The following STK32B variants were observed in gnomAD, a reference collection of about 807,000 sequenced individuals.
STK32B encodes serine/threonine kinase 32B, also known as serine/threonine-protein kinase 32B.
In STK32B, 43 loss-of-function variants were observed where a neutral mutation model predicts 52.6. The observed-to-expected ratio is 0.82, with a 90% CI of 0.64 to 1.05. STK32B has a LOEUF of 1.05. Among genes scored for constraint, STK32B ranks in the 50% least tolerant of loss-of-function variants. The pLI, the probability that STK32B is intolerant of heterozygous loss-of-function variation, is 0.00. For missense variants in STK32B, 621 were observed against 534.6 expected (o/e 1.16, Z -1.59); for synonymous variants, 238 against 204.3 (o/e 1.17, Z -1.41).
At chr4:5,218,559 C>T (rs570731545) in intron 3 of STK32B, among the ~76,000 whole-genome samples, 2 of 152,146 alleles carry the variant, frequency 1.3e-5, no homozygotes, top group African/African-American at 2.4e-5. Context: ...GGGACCCTAC[C>T]GTCAAACTGC....
chr4:5,377,692 G>A (rs1735668401), intron 4 of STK32B, among the ~76,000 whole-genome samples: 1 of 152,162 alleles, frequency 6.6e-6, no homozygotes, highest in South Asian at 2.1e-4. Flanking sequence ...TTGTTCTGGT[G>A]ATAGTGAGTG....
the STK32B span, among the ~76,000 whole-genome samples, chr4:5,033,818 A>G: frequency 6.6e-6 from 1 of 152,230 alleles, no homozygotes; most frequent in African/African-American, 2.4e-5. Context: ...ACAGCTGCCA[A>G]CTGATGGGCT....
chr4:5,100,788 C>CCTGCTCTTTCT (rs1337480404), intron 1 of STK32B, among the ~76,000 whole-genome samples: 1 of 1,790 alleles, frequency 5.6e-4, no homozygotes, highest in Admixed American at 4.4e-3. Flanking sequence ...TTCTTCCTTC[C>CCTGCTCTTTCT]TTTATTCCTT....
upstream of STK32B, among the ~76,000 whole-genome samples, chr4:5,048,740 G>T (rs6820421): frequency 1 from 152,410 of 152,410 alleles, 76,205 homozygotes; most frequent in Non-Finnish European, 1. Flanking sequence ...TTTCTGCATT[G>T]AAATCTTAGG....
At chr4:5,081,102 A>G (rs1712394392) in intron 1 of STK32B, among the ~76,000 whole-genome samples, 2 of 152,148 alleles carry the variant, frequency 1.3e-5, no homozygotes, top group Admixed American at 6.5e-5. Context: ...CATCAGTTTC[A>G]TTCATGTTGT....
At chr4:5,317,197 AT>A (rs1243859785) in intron 3 of STK32B, among the ~76,000 whole-genome samples, 2 of 56,484 alleles carry the variant, frequency 3.5e-5, no homozygotes, top group Non-Finnish European at 5.1e-5. Flanking sequence ...TATAACATAT[AT>A]ATATTATATA....
chr4:5,340,484 G>A (rs1733004436), intron 4 of STK32B, among the ~76,000 whole-genome samples: 1 of 152,194 alleles, frequency 6.6e-6, no homozygotes, highest in Non-Finnish European at 1.5e-5. Flanking sequence ...GGTCAAGGGT[G>A]GTAGGGAGCA....
In STK32B at chr4:5,422,747, C is replaced by T. The variant is rs59290344; in HGVS notation, c.562+5813C>T. 4.4e-3 allele frequency among the ~76,000 whole-genome samples: 665 copies of T among 152,220 alleles called. 6 individuals are homozygous for T. Among genetic ancestry groups the T allele is most frequent in the African/African-American group, 0.016 (647 of 41,556 alleles). The stretch of plus-strand genomic sequence containing the variant: ...CAGATTGTATGAACATAGTTGTACA[C>T]AGGGCACAGTCAAGGAGGACGATGG... On this transcript the variant is annotated intron_variant, in intron 6 of 11. Transcript: ENST00000282908.
intron 3 of STK32B, among the ~76,000 whole-genome samples, chr4:5,267,654 T>G (rs539298257): frequency 6.6e-6 from 1 of 152,292 alleles, no homozygotes; most frequent in East Asian, 1.9e-4. Flanking sequence ...ATTCATATAT[T>G]CTGGTTATGC....
intron 3 of STK32B, among the ~76,000 whole-genome samples, chr4:5,319,061 C>T (rs912491612): frequency 3.3e-5 from 5 of 152,118 alleles, no homozygotes; most frequent in African/African-American, 1.2e-4. Context: ...GCCTTGGCCT[C>T]CCAAAGTGCT....
chr4:5,384,229 G>C (rs1736106206), intron 4 of STK32B, among the ~76,000 whole-genome samples: 1 of 152,178 alleles, frequency 6.6e-6, no homozygotes, highest in Admixed American at 6.5e-5. Flanking sequence ...TCCCGAGAAG[G>C]GTGTGGGCAA....
intron 6 of STK32B, among the ~76,000 whole-genome samples, chr4:5,424,330 C>A (rs1356744412): frequency 6.6e-6 from 1 of 152,134 alleles, no homozygotes; most frequent in Non-Finnish European, 1.5e-5. Context: ...TGAGTGGGTC[C>A]CCATGAAGCC....
At chr4:5,372,336 C>A (rs1735295829) in intron 4 of STK32B, among the ~76,000 whole-genome samples, 1 of 152,122 alleles carries the variant, frequency 6.6e-6, no homozygotes, top group Admixed American at 6.5e-5. Context: ...CTGGGTCCTG[C>A]CATCTCTGTC....
intron 1 of STK32B, among the ~76,000 whole-genome samples, chr4:5,099,454 G>GCGTGCGCGCACA (rs1553823531): frequency 7.7e-6 from 1 of 129,744 alleles, no homozygotes; most frequent in African/African-American, 2.6e-5. Context: ...GTGTGTGCGC[G>GCGTGCGCGCACA]CGCGCGTATG....
intron 3 of STK32B, among the ~76,000 whole-genome samples, chr4:5,289,405 A>G (rs985505484): frequency 1.3e-5 from 2 of 152,190 alleles, no homozygotes; most frequent in Non-Finnish European, 2.9e-5. Context: ...ACTACTGCAG[A>G]CATTGTAAAC....
chr4:5,035,670 G>A, the STK32B span, among the ~76,000 whole-genome samples: 4 of 152,202 alleles, frequency 2.6e-5, 1 homozygote, highest in South Asian at 8.3e-4. Context: ...CTTCCCAGCA[G>A]AGATGTGCAT....
rs963538597 is a variant in STK32B at position 5,164,663 on chromosome 4, C to G, written c.109-3636C>G. Among the ~76,000 whole-genome samples the G allele has an allele frequency of 2.6e-5, 4 of 152,172 alleles. No individual in the cohort carries two copies. The East Asian group carries it at 7.7e-4, about 29-fold the overall frequency. On this transcript the variant is annotated intron_variant, in intron 2 of 11. Coordinates refer to ENST00000282908, the MANE Select transcript of STK32B (RefSeq NM_018401.3). The stretch of plus-strand genomic sequence containing the variant: ...GGCTGCTAGCTTTACACTGTATTAT[C>G]ACAGGGTGAACAGCAGGATCTCCGA...
chr4:5,130,650 C>A (rs145239232), intron 1 of STK32B, among the ~76,000 whole-genome samples: 1 of 152,190 alleles, frequency 6.6e-6, no homozygotes, highest in African/African-American at 2.4e-5. Context: ...CCAAATCAGG[C>A]ATTGGAGAGC....
chr4:5,397,339 T>C (rs1486207620), intron 4 of STK32B, among the ~76,000 whole-genome samples: 2 of 152,200 alleles, frequency 1.3e-5, no homozygotes, highest in Non-Finnish European at 2.9e-5. Context: ...CCTCCATCCT[T>C]ATACTCAGTG....
Sources: allele counts gnomAD v4.1 joint callset (sites outside exome capture counted in the v4.1 genomes callset), GRCh38; gene constraint gnomAD v4.1.1; transcripts MANE v1.5; gene names NCBI Gene and HGNC (gene_info 2026-07-23, HGNC 2026-07-21).